ENTREP2: variants seen among roughly 807,000 people sequenced by gnomAD.
ENTREP2 encodes the protein protein ENTREP2.
At chr15:29,581,721 A>T in the ENTREP2 span, among the ~76,000 whole-genome samples, 9 of 149,958 alleles carry the variant, frequency 6.0e-5, no homozygotes, top group East Asian at 1.9e-4. Flanking sequence ...TTTTTTTTTT[A>T]AAAGACATAT....
the ENTREP2 span, among the ~76,000 whole-genome samples, chr15:29,219,406 G>A: frequency 6.6e-6 from 1 of 151,870 alleles, no homozygotes; most frequent in South Asian, 2.1e-4. Flanking sequence ...ATGGAAAACA[G>A]TGTGGAGCTT....
At chr15:29,273,716 G>A in the ENTREP2 span, among the ~76,000 whole-genome samples, 19 of 152,296 alleles carry the variant, frequency 1.2e-4, no homozygotes, top group African/African-American at 4.1e-4. Flanking sequence ...GCAGAAGAAC[G>A]TGGAAGGACT....
the ENTREP2 span, among the ~76,000 whole-genome samples, chr15:29,366,730 A>C: frequency 6.6e-6 from 1 of 152,174 alleles, no homozygotes; most frequent in Non-Finnish European, 1.5e-5. Flanking sequence ...CCCACATTAC[A>C]TGTATCAACA....
At chr15:29,391,044 G>A in the ENTREP2 span, among the ~76,000 whole-genome samples, 37 of 151,982 alleles carry the variant, frequency 2.4e-4, 1 homozygote, top group Admixed American at 2.4e-3. Flanking sequence ...TCCTCCTACA[G>A]CCTCCTGGAG....
the ENTREP2 span, among the ~76,000 whole-genome samples, chr15:29,360,366 G>A: frequency 6.6e-6 from 1 of 151,918 alleles, no homozygotes; most frequent in Non-Finnish European, 1.5e-5. Flanking sequence ...AAGACCCCAG[G>A]GCAAAGGAAG....
chr15:29,381,153 A>G, the ENTREP2 span, among the ~76,000 whole-genome samples: 1 of 146,528 alleles, frequency 6.8e-6, no homozygotes, highest in Non-Finnish European at 1.5e-5. Context: ...AGCCGCATCC[A>G]CACTTTTAAA....
At chr15:29,367,536 T>C in the ENTREP2 span, among the ~76,000 whole-genome samples, 1 of 152,168 alleles carries the variant, frequency 6.6e-6, no homozygotes, top group African/African-American at 2.4e-5. Context: ...AAAAAAATCC[T>C]GGGGAATAAG....
chr15:29,567,381 C>A, the ENTREP2 span, among the ~76,000 whole-genome samples: 6 of 152,188 alleles, frequency 3.9e-5, no homozygotes, highest in African/African-American at 1.4e-4. Context: ...AAAGAGAGAG[C>A]CTCCTTGCTA....
At chr15:29,571,987 C>T in the ENTREP2 span, among the ~76,000 whole-genome samples, 1 of 152,182 alleles carries the variant, frequency 6.6e-6, no homozygotes, top group Non-Finnish European at 1.5e-5. Flanking sequence ...GCAGACCTTA[C>T]TGTTGGATGA....
chr15:29,479,539 G>GA, the ENTREP2 span, among the ~76,000 whole-genome samples: 1 of 152,028 alleles, frequency 6.6e-6, no homozygotes, highest in Non-Finnish European at 1.5e-5. Flanking sequence ...ACAACTATGG[G>GA]AAGGAGTACC....
chr15:29,625,346 G>C, the ENTREP2 span, among the ~76,000 whole-genome samples: 32 of 152,146 alleles, frequency 2.1e-4, no homozygotes, highest in South Asian at 1.7e-3. Flanking sequence ...GTTTGTGTGT[G>C]AATATAACTT....
At chr15:29,535,983 G>A in the ENTREP2 span, among the ~76,000 whole-genome samples, 11 of 152,146 alleles carry the variant, frequency 7.2e-5, no homozygotes, top group African/African-American at 1.4e-4. Flanking sequence ...GGCGGCAGAG[G>A]AGCCTGCCCA....
the ENTREP2 span, among the ~76,000 whole-genome samples, chr15:29,585,655 G>A: frequency 6.6e-6 from 1 of 152,064 alleles, no homozygotes; most frequent in Non-Finnish European, 1.5e-5. Flanking sequence ...AGGAGATCGA[G>A]ACCATCCTGG....
chr15:29,384,130 T>G, the ENTREP2 span, among the ~76,000 whole-genome samples: 1 of 152,164 alleles, frequency 6.6e-6, no homozygotes, highest in South Asian at 2.1e-4. Flanking sequence ...TCCCATGTCA[T>G]TTCACAGTCA....
chr15:29,252,058 A>T, the ENTREP2 span, among the ~76,000 whole-genome samples: 10 of 152,348 alleles, frequency 6.6e-5, no homozygotes, highest in Middle Eastern at 3.4e-3. Context: ...ACAAATGCTA[A>T]AATATAATAG....
chr15:29,411,935 A>G, the ENTREP2 span, among the ~76,000 whole-genome samples: 1 of 152,124 alleles, frequency 6.6e-6, no homozygotes, highest in Admixed American at 6.5e-5. Context: ...TGTTTTGCTG[A>G]TTGCATTGTC....
the ENTREP2 span, among the ~76,000 whole-genome samples, chr15:29,366,559 G>A: frequency 6.6e-6 from 1 of 152,122 alleles, no homozygotes; most frequent in Non-Finnish European, 1.5e-5. Flanking sequence ...TGTCCCCAGA[G>A]TTTCCCTTGT....
the ENTREP2 span, among the ~76,000 whole-genome samples, chr15:29,287,578 T>C: frequency 2.0e-5 from 3 of 152,168 alleles, no homozygotes; most frequent in African/African-American, 7.2e-5. Context: ...ATGAGAGATA[T>C]GCAGTGCCTC....
At chr15:29,631,172 A>G in the ENTREP2 span, among the ~76,000 whole-genome samples, 1 of 152,080 alleles carries the variant, frequency 6.6e-6, no homozygotes, top group East Asian at 1.9e-4. Context: ...TTGTTTCAGG[A>G]GTATTTGTAA....
Sources: gnomAD v4.1 joint callset for allele counts (sites outside exome capture counted in the v4.1 genomes callset) on GRCh38, gnomAD v4.1.1 for gene constraint, MANE v1.5 for transcripts, NCBI Gene and HGNC (gene_info 2026-07-23, HGNC 2026-07-21) for gene names.